DMD: variants seen among roughly 807,000 people sequenced by gnomAD.
DMD encodes the protein mutant dystrophin.
In DMD, 63 loss-of-function variants were observed where a neutral mutation model predicts 330.1. That is an observed-to-expected ratio of 0.19 (90% CI 0.16 to 0.24). DMD has a LOEUF of 0.24. Among genes scored for constraint, DMD ranks in the 10% least tolerant of loss-of-function variants. DMD has a pLI of 1.00. For missense variants in DMD, 3,344 were observed against 2,684.1 expected, an observed-to-expected ratio of 1.25 and a Z score of -5.43; for synonymous variants, 1,223 against 959.8, an observed-to-expected ratio of 1.27 and a Z score of -5.07.
chrX:32,713,772 TGA>T (rs1368422624), intron 7 of DMD, among the ~76,000 whole-genome samples: 15 of 111,830 alleles, frequency 1.3e-4, no homozygotes, highest in Non-Finnish European at 1.1e-4. Context: ...TGTGGGCATG[TGA>T]GTGTGTAATT....
chrX:32,600,088 A>T (rs808529), intron 12 of DMD, among the ~76,000 whole-genome samples: 42,165 of 110,644 alleles, frequency 0.38, 7,297 homozygotes, highest in African/African-American at 0.68. Flanking sequence ...CAATTTTATT[A>T]TTTAAACCTG....
At chrX:32,026,434 C>A (rs748227859) in intron 44 of DMD, among the ~76,000 whole-genome samples, 8 of 112,004 alleles carry the variant, frequency 7.1e-5, no homozygotes, top group African/African-American at 2.6e-4. Flanking sequence ...GCCTAGAAGG[C>A]AAACTTAGAC....
chrX:31,667,258 T>C (rs1321129775), intron 53 of DMD, among the ~76,000 whole-genome samples: 1 of 112,093 alleles, frequency 8.9e-6, no homozygotes, highest in Non-Finnish European at 1.9e-5. Flanking sequence ...CATATCAGTA[T>C]TTCATTTCTT....
intron 7 of DMD, among the ~76,000 whole-genome samples, chrX:32,788,007 A>AT (rs2075536531): frequency 9.0e-6 from 1 of 111,376 alleles, no homozygotes. Context: ...GGAGGTAAAT[A>AT]TTTTTACTTT....
At chrX:31,255,595 T>C (rs1202556587) in intron 63 of DMD, among the ~76,000 whole-genome samples, 1 of 110,764 alleles carries the variant, frequency 9.0e-6, no homozygotes, top group African/African-American at 3.3e-5. Flanking sequence ...TCTCAGAATG[T>C]ACATTTTAAA....
intron 41 of DMD, among the ~76,000 whole-genome samples, chrX:32,317,753 G>C (rs2097588246): frequency 9.1e-6 from 1 of 109,467 alleles, no homozygotes; most frequent in East Asian, 2.9e-4. Context: ...ATATAAATAT[G>C]GCACATGAAA....
intron 52 of DMD, among the ~76,000 whole-genome samples, chrX:31,728,990 G>C (rs963018024): frequency 9.0e-6 from 1 of 110,980 alleles, no homozygotes; most frequent in Non-Finnish European, 1.9e-5. Flanking sequence ...CACTCTTCCT[G>C]ACCCCATGGA....
At chrX:32,464,762 T>C (rs1256592356) in intron 23 of DMD, 63 bp from the exon 24 acceptor site, 3 of 807,286 alleles carry the variant, frequency 3.7e-6, no homozygotes, top group African/African-American at 4.0e-5. Flanking sequence ...CAATTCATCA[T>C]TGTGTTATGT....
intron 47 of DMD, among the ~76,000 whole-genome samples, chrX:31,897,139 T>C (rs2094349535): frequency 9.1e-6 from 1 of 109,646 alleles, no homozygotes; most frequent in African/African-American, 3.3e-5. Context: ...GTTCTCATTG[T>C]TCAATTCCCA....
intron 9 of DMD, among the ~76,000 whole-genome samples, chrX:32,697,482 C>T (rs6631627): frequency 0.14 from 15,789 of 111,100 alleles, 2,620 homozygotes; most frequent in African/African-American, 0.48. Context: ...TACGTAGATC[C>T]AGAAAAATCT....
At chrX:31,538,071 T>A (rs916395539) in intron 55 of DMD, among the ~76,000 whole-genome samples, 1 of 111,984 alleles carries the variant, frequency 8.9e-6, no homozygotes, top group Non-Finnish European at 1.9e-5. Context: ...CCTGCCGTTG[T>A]CGCGTCTAGC....
chrX:32,786,636 T>C (rs2075381560), intron 7 of DMD, among the ~76,000 whole-genome samples: 1 of 112,092 alleles, frequency 8.9e-6, no homozygotes, highest in South Asian at 3.7e-4. Flanking sequence ...AACTGATGGA[T>C]GTGCATCCAA....
chrX:33,142,924 G>C (rs970669802), intron 1 of DMD, among the ~76,000 whole-genome samples: 4 of 111,582 alleles, frequency 3.6e-5, no homozygotes, highest in African/African-American at 1.3e-4. Flanking sequence ...TAAGAATATG[G>C]AGTCAGATGT....
chrX:31,510,313 CA>C (rs1307974086), intron 55 of DMD, among the ~76,000 whole-genome samples: 1 of 110,845 alleles, frequency 9.0e-6, no homozygotes, highest in Non-Finnish European at 1.9e-5. Flanking sequence ...GGGCTGCCTC[CA>C]CCAACCCACT....
chrX:32,844,406 CAAAAA>C (rs113585554), intron 4 of DMD, among the ~76,000 whole-genome samples: 2 of 74,040 alleles, frequency 2.7e-5, no homozygotes, highest in African/African-American at 8.7e-5. Context: ...GACTCCATCT[CAAAAA>C]AAAAAAAAAA....
chrX:31,803,989 G>A (rs920356942), intron 50 of DMD, among the ~76,000 whole-genome samples: 39 of 111,003 alleles, frequency 3.5e-4, no homozygotes, highest in African/African-American at 1.2e-3. Context: ...GTGAGCCACC[G>A]TGCCTGGCCT....
chrX:32,373,263 C>T (rs766829095), intron 34 of DMD, among the ~76,000 whole-genome samples: 39 of 108,943 alleles, frequency 3.6e-4, no homozygotes, highest in African/African-American at 5.9e-4. Flanking sequence ...AATTCTACAA[C>T]GCCACTGGCC....
intron 2 of DMD, among the ~76,000 whole-genome samples, chrX:32,945,503 T>C (rs1339531473): frequency 2.7e-5 from 3 of 111,232 alleles, no homozygotes; most frequent in Non-Finnish European, 5.7e-5. Flanking sequence ...CCTGTTTCTT[T>C]TACTTGGCTT....
At chrX:32,631,291 C>T (rs1209682920) in intron 11 of DMD, among the ~76,000 whole-genome samples, 1 of 111,614 alleles carries the variant, frequency 9.0e-6, no homozygotes, top group African/African-American at 3.3e-5. Context: ...AAAGCCAGTA[C>T]AACACTGGGT....
Sources: allele counts gnomAD v4.1 joint callset (sites outside exome capture counted in the v4.1 genomes callset), GRCh38; gene constraint gnomAD v4.1.1; transcripts MANE v1.5; gene names NCBI Gene and HGNC (gene_info 2026-07-23, HGNC 2026-07-21).